Variants in DLEC1 observed in about 807,000 individuals in gnomAD.
DLEC1 encodes the protein deleted in lung and esophageal cancer protein 1.
A neutral mutation model predicts 198.1 loss-of-function variants in DLEC1; 146 were observed. The ratio of observed to expected loss-of-function variants is 0.74; its 90% CI spans 0.64 to 0.85. The LOEUF (loss-of-function observed/expected upper bound fraction) is 0.85, where lower values mean the gene tolerates loss of function less well. Ranked by LOEUF, DLEC1 falls within the 40% of genes least tolerant of loss-of-function variation. The probability of loss-of-function intolerance (pLI) is 0.00; values close to 1 mark genes in which losing one functional copy is unlikely to be tolerated. For missense variants in DLEC1, 2,233 were observed against 2,220.0 expected (o/e 1.01, Z -0.12); for synonymous variants, 897 against 866.8 (o/e 1.03, Z -0.61).
intron 2 of DLEC1, among the ~76,000 whole-genome samples, chr3:38,049,073 G>GGT (rs545926684): frequency 1.3e-5 from 2 of 148,188 alleles, no homozygotes; most frequent in Non-Finnish European, 3.0e-5. Context: ...AACTATTTGG[G>GGT]TTTTTTTTTT....
chr3:38,114,669 T>TG lies in DLEC1; in HGVS notation c.3785+213dup, dbSNP rs11456780. Among the ~76,000 whole-genome samples the TG allele has an allele frequency of 7.3e-3, 1,106 of 152,084 alleles. 16 individuals are homozygous for TG. The highest frequency in any genetic ancestry group is 0.025 in the African/African-American group (1,019 of 41,496). ...ACCTGGACATCTCTGAGGGATTTTG[T>TG]GGGGCAGAAGTGGCGAGTAGTCAGT... On this transcript the variant is annotated intron_variant, in intron 26 of 36. Coordinates refer to ENST00000308059, the MANE Select transcript of DLEC1 (RefSeq NM_007335.4).
At chr3:38,120,846 G>A (rs1347955918) in intron 34 of DLEC1, among the ~76,000 whole-genome samples, 4 of 152,228 alleles carry the variant, frequency 2.6e-5, no homozygotes, top group Admixed American at 1.3e-4. Context: ...GGAAATCAGG[G>A]AAGGCTCCCT....
intron 6 of DLEC1, among the ~76,000 whole-genome samples, chr3:38,065,582 G>T (rs914969392): frequency 6.6e-6 from 1 of 152,202 alleles, no homozygotes; most frequent in Non-Finnish European, 1.5e-5. Context: ...ATATGCACAT[G>T]TATGTGCTGG....
intron 18 of DLEC1, among the ~76,000 whole-genome samples, chr3:38,099,947 A>T (rs1699219175): frequency 6.6e-6 from 1 of 151,476 alleles, no homozygotes; most frequent in Admixed American, 6.6e-5. Context: ...TCAGAGGGCT[A>T]CCCCCCTAGT....
At chr3:38,095,845 T>G (rs200856772) in intron 13 of DLEC1, 43 bp from the exon 14 acceptor site, 11 of 1,612,262 alleles carry the variant, frequency 6.8e-6, no homozygotes, top group East Asian at 4.5e-5. Flanking sequence ...GACAACCTGC[T>G]GGAACGCAGT....
At chr3:38,069,980 T>G (rs1473655883) in intron 6 of DLEC1, among the ~76,000 whole-genome samples, 1 of 152,210 alleles carries the variant, frequency 6.6e-6, no homozygotes, top group African/African-American at 2.4e-5. Flanking sequence ...AATGTTTTAT[T>G]TCTTAAGCTG....
Position 38,096,899 on chromosome 3 carries a change from AG to A in DLEC1, c.2340+164del, listed in dbSNP as rs1699050962. Among the ~76,000 whole-genome samples, 4 of 152,304 alleles carry A rather than the reference AG, an allele frequency of 2.6e-5. No individual in the cohort carries two copies. The South Asian group carries it at 8.3e-4, about 32-fold the overall frequency. On this transcript the variant is annotated intron_variant, in intron 15 of 36. Transcript: ENST00000308059. ...CCCAACTTGACTTGCACAGATGCAT[AG>A]GCCAGGCATGGCTGTCTTCTTTTAT...
At chr3:38,062,822 A>T (rs1354066325) in intron 5 of DLEC1, 21 bp downstream of exon 5, 1 of 1,610,240 alleles carries the variant, frequency 6.2e-7, no homozygotes, top group Non-Finnish European at 8.5e-7. Flanking sequence ...CTCTGGCTTG[A>T]ACTCTCAGAA....
At chr3:38,092,708 T>C (rs558221386) in intron 10 of DLEC1, 82 bp from the exon 11 acceptor site, 1 of 1,215,524 alleles carries the variant, frequency 8.2e-7, no homozygotes, top group South Asian at 1.2e-5. Flanking sequence ...AAGGGGTGTG[T>C]GTCCGAGAGG....
chr3:38,087,187 C>A (rs1698503278), intron 9 of DLEC1, among the ~76,000 whole-genome samples: 1 of 152,216 alleles, frequency 6.6e-6, no homozygotes, highest in African/African-American at 2.4e-5. Flanking sequence ...TTGGCCAGGG[C>A]TGGGGGCAGG....
intron 6 of DLEC1, among the ~76,000 whole-genome samples, chr3:38,082,811 G>A (rs985300749): frequency 6.6e-6 from 1 of 152,168 alleles, no homozygotes; most frequent in African/African-American, 2.4e-5. Flanking sequence ...TTGCCGCTAA[G>A]GGTGAAGGAC....
At chr3:38,052,748 G>T (rs376490115) in intron 2 of DLEC1, among the ~76,000 whole-genome samples, 1 of 139,806 alleles carries the variant, frequency 7.2e-6, no homozygotes, top group Non-Finnish European at 1.5e-5. Context: ...CCATTACAAG[G>T]GTTTGAAGTC....
rs775441826 is a variant in DLEC1 at position 38,121,718 on chromosome 3, C to T, written c.4957C>T (p.Arg1653Ter). Residue 1653 changes from arginine (R) to a stop codon, truncating the protein, a stop_gained, in exon 35 of 37, where the codon CGA (arginine) becomes TGA (stop). Transcript: ENST00000308059. LOFTEE classifies it high-confidence loss of function. ...DFGTCFVSQQ[R>*]VREVYLMNLS... Reference sequence around the variant, plus strand: ...TGGGACCTGCTTTGTGAGCCAGCAGCGAGTCCGGGAGGTCTACCTGATGAA... The same window carrying T: ...TGGGACCTGCTTTGTGAGCCAGCAGTGAGTCCGGGAGGTCTACCTGATGAA... The T allele has an allele frequency of 5.0e-6, 8 of 1,613,944 alleles. No homozygotes were observed. Among genetic ancestry groups the T allele is most frequent in the East Asian group, 2.2e-5 (1 of 44,884 alleles).
rs773120893 is a variant in DLEC1 at position 38,093,615 on chromosome 3, G to A, written c.1767G>A (p.Gln589=). The part of the protein sequence containing the change: ...IKELVTIGIG[Q]LIALDLIYIS... ...ACTCTACTTTGGCAGGAATTGGGCAGCTGATTGCTTTGGATCTGATCTATA... is the reference window on the plus strand; with the variant it reads ...ACTCTACTTTGGCAGGAATTGGGCAACTGATTGCTTTGGATCTGATCTATA... The change falls in exon 12 of 37, where the codon CAG becomes CAA. Residue 589 remains glutamine, a synonymous_variant. Coordinates refer to ENST00000308059, the MANE Select transcript of DLEC1 (RefSeq NM_007335.4). The A allele has an allele frequency of 6.2e-7, 1 of 1,614,088 alleles. No homozygotes were observed. The highest frequency in any genetic ancestry group is 1.3e-5 in the African/African-American group (1 of 74,934).
chr3:38,055,277 G>T (rs943955720), intron 2 of DLEC1, among the ~76,000 whole-genome samples: 3 of 152,182 alleles, frequency 2.0e-5, no homozygotes, highest in Admixed American at 2.0e-4. Context: ...ATGAAAGCCT[G>T]AATACACAGA....
At chr3:38,062,401 G>T (rs375717966) in intron 4 of DLEC1, 33 bp downstream of exon 4, 18 of 1,612,754 alleles carry the variant, frequency 1.1e-5, no homozygotes, top group Middle Eastern at 1.6e-4. Context: ...AGCAGTGTTT[G>T]GGGGGACAGA....
At chr3:38,093,999 C>T (rs967459582) in intron 12 of DLEC1, among the ~76,000 whole-genome samples, 2 of 152,222 alleles carry the variant, frequency 1.3e-5, no homozygotes, top group African/African-American at 4.8e-5. Flanking sequence ...CTCACTTCCT[C>T]AGTGGCACCA....
Position 38,116,821 on chromosome 3 carries a change from T to C in DLEC1, c.4111T>C (p.Ser1371Pro), listed in dbSNP as rs772985931. 1.2e-6 allele frequency: 2 copies of C among 1,613,828 alleles called. No individual in the cohort carries two copies. The highest frequency in any genetic ancestry group is 1.7e-6 in the Non-Finnish European group (2 of 1,179,892). Residue 1371 changes from serine to proline, a missense_variant, in exon 29 of 37, where the codon TCA (serine) becomes CCA (proline). Transcript: ENST00000308059. Reference protein sequence around the residue: ...ASNRVAQKLISVILQAHEGVP... With the variant: ...ASNRVAQKLIPVILQAHEGVP... ...CAATAGGGTGGCACAGAAGCTCATC[T>C]CAGTCATCCTGCAGGCACATGAGGG... is the stretch of plus-strand genomic sequence containing the variant.
chr3:38,057,594 A>G (rs1696441936), intron 2 of DLEC1, among the ~76,000 whole-genome samples: 1 of 152,224 alleles, frequency 6.6e-6, no homozygotes, highest in Admixed American at 6.5e-5. Flanking sequence ...GTGTGATGAC[A>G]TTTGACATGT....
Sources: gnomAD v4.1 joint callset for allele counts (sites outside exome capture counted in the v4.1 genomes callset) on GRCh38, gnomAD v4.1.1 for gene constraint, MANE v1.5 for transcripts, NCBI Gene and HGNC (gene_info 2026-07-23, HGNC 2026-07-21) for gene names.